Variants in PPARGC1A observed in about 807,000 individuals in gnomAD.
PPARGC1A encodes the protein PPARG coactivator 1 alpha.
PPARGC1A carries 25 observed loss-of-function variants against 88.7 expected under a neutral mutation model. The ratio of observed to expected loss-of-function variants is 0.28; its 90% CI spans 0.21 to 0.39. The LOEUF is 0.39. Among genes scored for constraint, PPARGC1A ranks in the 10% least tolerant of loss-of-function variants. PPARGC1A has a pLI of 1.00. For synonymous variants in PPARGC1A, 363 were observed against 355.6 expected (o/e 1.02, Z -0.24); for missense variants, 880 against 968.7 (o/e 0.91, Z 1.22).
chr4:23,931,869 C>A, the PPARGC1A span, among the ~76,000 whole-genome samples: 1 of 152,154 alleles, frequency 6.6e-6, no homozygotes, highest in South Asian at 2.1e-4. Flanking sequence ...AAGTCTGACT[C>A]CAGCACTTAC....
chr4:24,029,636 C>T, the PPARGC1A span, among the ~76,000 whole-genome samples: 20,937 of 152,072 alleles, frequency 0.14, 1,684 homozygotes, highest in South Asian at 0.21. Context: ...CTTGATTCCC[C>T]TTCTCCATCC....
chr4:24,176,868 C>T, the PPARGC1A span, among the ~76,000 whole-genome samples: 22 of 152,328 alleles, frequency 1.4e-4, no homozygotes, highest in Admixed American at 1.4e-3. Flanking sequence ...ACATTCTGCA[C>T]AGAAACCAGT....
chr4:23,937,512 G>GTAAAATAAAATAAAAAA, the PPARGC1A span, among the ~76,000 whole-genome samples: 1 of 151,010 alleles, frequency 6.6e-6, no homozygotes, highest in Admixed American at 6.6e-5. Context: ...ATAAAATAAA[G>GTAAAATAAAATAAAAAA]TAAAATAAAA....
chr4:24,439,058 T>C, the PPARGC1A span, among the ~76,000 whole-genome samples: 1 of 152,080 alleles, frequency 6.6e-6, no homozygotes, highest in East Asian at 1.9e-4. Flanking sequence ...GACATAAAAA[T>C]TCCAGTATCT....
chr4:24,333,114 C>T, the PPARGC1A span, among the ~76,000 whole-genome samples: 57,549 of 151,880 alleles, frequency 0.38, 11,228 homozygotes, highest in South Asian at 0.41. Flanking sequence ...TGGTGACACG[C>T]GCCTGTAATC....
chr4:24,085,112 T>G, the PPARGC1A span, among the ~76,000 whole-genome samples: 1 of 152,126 alleles, frequency 6.6e-6, no homozygotes, highest in Admixed American at 6.5e-5. Context: ...TAAAGCACTT[T>G]AAACATAAAG....
the PPARGC1A span, among the ~76,000 whole-genome samples, chr4:24,387,602 T>A: frequency 6.6e-6 from 1 of 151,950 alleles, no homozygotes; most frequent in Non-Finnish European, 1.5e-5. Context: ...CTCATGCTGG[T>A]AGCGCATGCT....
chr4:24,189,717 T>TA, the PPARGC1A span, among the ~76,000 whole-genome samples: 1 of 152,136 alleles, frequency 6.6e-6, no homozygotes, highest in Non-Finnish European at 1.5e-5. Context: ...CACCTTTATT[T>TA]AGTCCAAAGT....
the PPARGC1A span, among the ~76,000 whole-genome samples, chr4:24,390,700 G>A: frequency 1.3e-4 from 19 of 151,954 alleles, no homozygotes; most frequent in African/African-American, 4.6e-4. Flanking sequence ...ATTATATCGG[G>A]AGCATTTCCC....
At chr4:24,127,946 T>C in the PPARGC1A span, among the ~76,000 whole-genome samples, 1 of 152,134 alleles carries the variant, frequency 6.6e-6, no homozygotes, top group Non-Finnish European at 1.5e-5. Context: ...TAGTTTCCAT[T>C]TTTTCTATGC....
chr4:23,865,119 A>T (rs1192342975), intron 2 of PPARGC1A, among the ~76,000 whole-genome samples: 1 of 152,170 alleles, frequency 6.6e-6, no homozygotes, highest in Non-Finnish European at 1.5e-5. Flanking sequence ...TGGGAGGTGG[A>T]GGTTGTAGTG....
chr4:24,113,065 CA>C, the PPARGC1A span, among the ~76,000 whole-genome samples: 1 of 152,180 alleles, frequency 6.6e-6, no homozygotes, highest in Admixed American at 6.5e-5. Flanking sequence ...TTGCTTCTCC[CA>C]CCTCTGAACT....
chr4:23,899,086 C>A (rs761212392), intron 1 of PPARGC1A, among the ~76,000 whole-genome samples: 5 of 9,546 alleles, frequency 5.2e-4, no homozygotes, highest in Admixed American at 1.0e-3. Flanking sequence ...ATGATCCACC[C>A]CCCCCCGGCC....
the PPARGC1A span, among the ~76,000 whole-genome samples, chr4:24,051,350 G>C: frequency 1.3e-5 from 2 of 152,204 alleles, no homozygotes; most frequent in Admixed American, 1.3e-4. Flanking sequence ...TGAGAGAAAT[G>C]AAACACATTT....
chr4:24,244,075 T>A, the PPARGC1A span, among the ~76,000 whole-genome samples: 1 of 152,214 alleles, frequency 6.6e-6, no homozygotes, highest in East Asian at 1.9e-4. Context: ...CCCTTGGGGC[T>A]TCCTAATAGA....
the PPARGC1A span, among the ~76,000 whole-genome samples, chr4:24,305,253 T>C: frequency 6.6e-6 from 1 of 150,664 alleles, no homozygotes; most frequent in African/African-American, 2.4e-5. Context: ...ATATATATAA[T>C]ATATATATGA....
At chr4:24,402,981 C>T in the PPARGC1A span, among the ~76,000 whole-genome samples, 7 of 152,130 alleles carry the variant, frequency 4.6e-5, no homozygotes, top group Non-Finnish European at 8.8e-5. Flanking sequence ...AATGAATGAA[C>T]GAGTGAAAAT....
chr4:24,456,652 T>A, the PPARGC1A span, among the ~76,000 whole-genome samples: 2 of 151,516 alleles, frequency 1.3e-5, no homozygotes, highest in Non-Finnish European at 2.9e-5. Flanking sequence ...AGCTTTGAGG[T>A]TTTAGCAAGA....
intron 2 of PPARGC1A, among the ~76,000 whole-genome samples, chr4:23,877,360 CAAAAAAAAAAAAAAAAAAA>C (rs551447166): frequency 1.6e-5 from 1 of 62,818 alleles, no homozygotes; most frequent in Non-Finnish European, 2.8e-5. Context: ...ACTAAAAATA[CAAAAAAAAAAAAAAAAAAA>C]AAAAAAAAAT....
Sources: gnomAD v4.1 joint callset for allele counts (sites outside exome capture counted in the v4.1 genomes callset) on GRCh38, gnomAD v4.1.1 for gene constraint, MANE v1.5 for transcripts, NCBI Gene and HGNC (gene_info 2026-07-23, HGNC 2026-07-21) for gene names.